Variants in BCL2L1 observed in about 807,000 individuals in gnomAD.
The protein encoded by BCL2L1 is BCL2 like 1, also known as bcl-2-like protein 1.
In BCL2L1, 1 loss-of-function variant was observed where a neutral mutation model predicts 18.7. That is an observed-to-expected ratio of 0.05 (90% confidence interval 0.02 to 0.25). The LOEUF is 0.25. Ranked by LOEUF, BCL2L1 falls within the 10% of genes least tolerant of loss-of-function variation. BCL2L1 has a pLI of 1.00. For missense variants in BCL2L1, 207 were observed against 304.9 expected, an observed-to-expected ratio of 0.68 and a Z score of 2.39; for synonymous variants, 103 against 122.7, an observed-to-expected ratio of 0.84 and a Z score of 1.06.
rs1420185462 is a variant in BCL2L1, at chr20:31,664,896, A to C, written c.*1053T>G. ...TTGGCAGCCTGGCTGCCCAGGCTGG[A>C]CAGGCATGGGGCACAGATCTGCCTG... On this transcript the variant is annotated 3_prime_UTR_variant, in exon 3 of 3. Transcript: ENST00000307677. 18 of 214,906 alleles carry C rather than the reference A, an allele frequency of 8.4e-5. No homozygotes were observed. 13.3% of individuals were successfully genotyped at this position (214,906 alleles called of 1,614,324 possible).
intron 2 of BCL2L1, among the ~76,000 whole-genome samples, chr20:31,677,944 G>C (rs1314342226): frequency 6.6e-6 from 1 of 152,184 alleles, no homozygotes; most frequent in Admixed American, 6.5e-5. Context: ...GAGAAGAAAG[G>C]CCAGTTCCCA....
chr20:31,714,867 C>A (rs2061504437), intron 2 of BCL2L1, among the ~76,000 whole-genome samples: 1 of 152,200 alleles, frequency 6.6e-6, no homozygotes, highest in South Asian at 2.1e-4. Context: ...CAAGCCTGGT[C>A]TTATTCTCCA....
At chr20:31,682,821 A>T (rs996522277) in intron 2 of BCL2L1, among the ~76,000 whole-genome samples, 1 of 152,046 alleles carries the variant, frequency 6.6e-6, no homozygotes, top group Non-Finnish European at 1.5e-5. Flanking sequence ...GAAAATTCTC[A>T]ATTTATTCCC....
At chr20:31,688,067 T>C (rs2060992145) in intron 2 of BCL2L1, among the ~76,000 whole-genome samples, 1 of 152,192 alleles carries the variant, frequency 6.6e-6, no homozygotes, top group South Asian at 2.1e-4. Flanking sequence ...AATGTGCTGG[T>C]GCCTGGCAAA....
At chr20:31,698,548 T>A (rs1050980139) in intron 2 of BCL2L1, among the ~76,000 whole-genome samples, 1 of 149,292 alleles carries the variant, frequency 6.7e-6, no homozygotes, top group Non-Finnish European at 1.5e-5. Context: ...TTTTCCTTCT[T>A]TTTTTTTTTG....
chr20:31,683,670 GAGGCAA>G (rs2060901662), intron 2 of BCL2L1, among the ~76,000 whole-genome samples: 1 of 150,554 alleles, frequency 6.6e-6, no homozygotes, highest in African/African-American at 2.4e-5. Flanking sequence ...TCAAGAGGCT[GAGGCAA>G]AAGAATCGCT....
rs1296172344 is a variant in BCL2L1, at chr20:31,722,154, T to C, written c.65A>G (p.Tyr22Cys). 18 of 1,507,678 alleles carry C rather than the reference T, an allele frequency of 1.2e-5. No homozygotes were observed. The highest frequency in any genetic ancestry group is 1.6e-5 in the Non-Finnish European group (18 of 1,134,190). The allele number at this position is 1,507,678 out of a possible 1,614,324, so 93.4% of individuals were successfully genotyped here. Residue 22 changes from tyrosine to cysteine, a missense_variant, in exon 2 of 3, where the codon TAC (tyrosine) becomes TGC (cysteine). Tyr to Cys is a radical substitution (Grantham distance 194). Coordinates refer to ENST00000307677, the MANE Select transcript of BCL2L1 (RefSeq NM_138578.3). ...FLSYKLSQKG[Y>C]SWSQFSDVEE... ...CACATCACTAAACTGACTCCAGCTG[T>C]ATCCTTTCTGGGAAAGCTTGTAGGA...
chr20:31,679,808 C>A (rs926792555), intron 2 of BCL2L1, among the ~76,000 whole-genome samples: 11 of 152,184 alleles, frequency 7.2e-5, no homozygotes, highest in African/African-American at 2.7e-4. Flanking sequence ...GGATTATAGG[C>A]ATGTGCCACC....
chr20:31,718,057 T>G (rs13339897), intron 2 of BCL2L1, among the ~76,000 whole-genome samples: 3,696 of 152,314 alleles, frequency 0.024, 151 homozygotes, highest in African/African-American at 0.083. Flanking sequence ...TTAAAGGGTT[T>G]CCACCCTACA....
At chr20:31,700,370 A>G (rs1004031476) in intron 2 of BCL2L1, among the ~76,000 whole-genome samples, 1 of 152,186 alleles carries the variant, frequency 6.6e-6, no homozygotes, top group Non-Finnish European at 1.5e-5. Flanking sequence ...CAGCAGCCCA[A>G]CCAGTGGCCA....
At chr20:31,681,582 A>C (rs772583822) in intron 2 of BCL2L1, among the ~76,000 whole-genome samples, 1 of 152,224 alleles carries the variant, frequency 6.6e-6, no homozygotes, top group Non-Finnish European at 1.5e-5. Context: ...CTGAGGCTGC[A>C]GTGAGCCATG....
upstream of BCL2L1, chr20:31,723,585 C>T (rs968935061): frequency 1.0e-6 from 1 of 984,918 alleles, no homozygotes; most frequent in Non-Finnish European, 1.2e-6. Context: ...CCCGGGGGCG[C>T]CCCCTAGACC....
At chr20:31,720,987 C>T (rs887885880) in intron 2 of BCL2L1, 25 of 985,232 alleles carry the variant, frequency 2.5e-5, no homozygotes, top group Non-Finnish European at 2.9e-5. Context: ...AACAAGGCAA[C>T]CATGCAGAAA....
At chr20:31,689,864 A>C (rs572366782) in intron 2 of BCL2L1, among the ~76,000 whole-genome samples, 26 of 152,150 alleles carry the variant, frequency 1.7e-4, no homozygotes, top group Admixed American at 5.9e-4. Flanking sequence ...AAAAATACAA[A>C]AAATTAGCTG....
At chr20:31,668,170 G>C (rs6058316) in intron 2 of BCL2L1, among the ~76,000 whole-genome samples, 11,991 of 151,956 alleles carry the variant, frequency 0.079, 491 homozygotes, top group Middle Eastern at 0.11. Context: ...CTGACCCCAG[G>C]TCGTCGCCTG....
Position 31,697,892 on chromosome 20 carries a change from G to GTTTTTTTTTTTTTGTTTGTTTGTT in BCL2L1, c.564+23762_564+23763insAACAAACAAACAAAAAAAAAAAAA, listed in dbSNP as rs1319361227. Among the ~76,000 whole-genome samples the GTTTTTTTTTTTTTGTTTGTTTGTT allele has an allele frequency of 3.0e-4, 39 of 129,650 alleles. 1 individual carries two copies. Among genetic ancestry groups the GTTTTTTTTTTTTTGTTTGTTTGTT allele is most frequent in the African/African-American group, 8.8e-4 (27 of 30,510 alleles). The allele number at this position is 129,650 out of a possible 152,430, so 85.1% of individuals were successfully genotyped here. Reference sequence around the variant, plus strand: ...AGAATCCTCAGCATGTGCTGTTGCTGTTTTTTTTTTTTTGAGACGGAGTCT... The same window carrying GTTTTTTTTTTTTTGTTTGTTTGTT: ...AGAATCCTCAGCATGTGCTGTTGCTGTTTTTTTTTTTTTGTTTGTTTGTTTTTTTTTTTTTTTGAGACGGAGTCT... On this transcript the variant is annotated intron_variant, in intron 2 of 2. Coordinates refer to ENST00000307677, the MANE Select transcript of BCL2L1 (RefSeq NM_138578.3).
At chr20:31,668,792 C>T (rs1409230769) in intron 2 of BCL2L1, among the ~76,000 whole-genome samples, 5 of 150,808 alleles carry the variant, frequency 3.3e-5, no homozygotes, top group South Asian at 4.2e-4. Flanking sequence ...TTAGTAGAGA[C>T]GGGGTTTCTC....
rs533140244 is a variant in BCL2L1, at chr20:31,704,063, G to C, written c.564+17592C>G. Reference sequence around the variant, plus strand: ...TCCACTCGGCTTGGCCTCCCAAAGTGCTGGGATTACAGGCATGAGCCACTG... The same window carrying C: ...TCCACTCGGCTTGGCCTCCCAAAGTCCTGGGATTACAGGCATGAGCCACTG... On this transcript the variant is annotated intron_variant, in intron 2 of 2. Transcript: ENST00000307677. Among the ~76,000 whole-genome samples, 226 of 150,350 alleles carry C rather than the reference G, an allele frequency of 1.5e-3. 2 individuals carry two copies. The highest frequency in any genetic ancestry group is 5.3e-3 in the African/African-American group (215 of 40,590).
At chr20:31,676,755 G>T (rs2122503188) in intron 2 of BCL2L1, among the ~76,000 whole-genome samples, 1 of 152,314 alleles carries the variant, frequency 6.6e-6, no homozygotes, top group Non-Finnish European at 1.5e-5. Context: ...AAGTCCCACA[G>T]TGGGTCTGTT....
Sources: allele counts gnomAD v4.1 joint callset (sites outside exome capture counted in the v4.1 genomes callset), GRCh38; gene constraint gnomAD v4.1.1; transcripts MANE v1.5; gene names NCBI Gene and HGNC (gene_info 2026-07-23, HGNC 2026-07-21).